The following SLC15A1 variants were observed in gnomAD, a reference collection of about 807,000 sequenced individuals.
SLC15A1 encodes the protein Caco-2 oligopeptide transporter.
Under a neutral mutation model 92.9 loss-of-function variants are expected in SLC15A1, and 83 were observed. That is an observed-to-expected ratio of 0.89 (90% confidence interval 0.75 to 1.07). The LOEUF (loss-of-function observed/expected upper bound fraction) is 1.07, where lower values mean the gene tolerates loss of function less well. Among genes scored for constraint, SLC15A1 ranks in the 50% least tolerant of loss-of-function variants. The pLI is 0.00. For missense variants in SLC15A1, 857 were observed against 880.1 expected (o/e 0.97, Z 0.33); for synonymous variants, 322 against 318.2 (o/e 1.01, Z -0.13).
At chr13:98,689,589 G>A (rs530207727) in intron 18 of SLC15A1, among the ~76,000 whole-genome samples, 1 of 152,184 alleles carries the variant, frequency 6.6e-6, no homozygotes, top group Non-Finnish European at 1.5e-5. Flanking sequence ...GGGACTACAG[G>A]TGTGTGCCAC....
intron 4 of SLC15A1, 127 bp downstream of exon 4, chr13:98,725,996 C>G (rs1358988321): frequency 1.6e-6 from 2 of 1,234,252 alleles, no homozygotes; most frequent in African/African-American, 3.0e-5. Context: ...ATGAACCATA[C>G]CACACCTGGC....
At chr13:98,690,720 C>T (rs950061773) in intron 18 of SLC15A1, among the ~76,000 whole-genome samples, 3 of 152,170 alleles carry the variant, frequency 2.0e-5, no homozygotes, top group Non-Finnish European at 2.9e-5. Flanking sequence ...CACACCTAGA[C>T]GGTGCCACCC....
chr13:98,727,576 G>A (rs2088312469), intron 1 of SLC15A1, among the ~76,000 whole-genome samples: 1 of 152,178 alleles, frequency 6.6e-6, no homozygotes, highest in African/African-American at 2.4e-5. Flanking sequence ...ATACAAGGGA[G>A]CTGGTGCACG....
intron 18 of SLC15A1, among the ~76,000 whole-genome samples, chr13:98,696,087 T>C (rs763742388): frequency 2.0e-5 from 3 of 151,622 alleles, no homozygotes; most frequent in Non-Finnish European, 4.4e-5. Context: ...TCTGTCTTCT[T>C]TTCTAAGATC....
At chr13:98,719,154 C>T in intron 8 of SLC15A1, 83 bp downstream of exon 8, 1 of 918,136 alleles carries the variant, frequency 1.1e-6, no homozygotes, top group Non-Finnish European at 1.7e-6. Context: ...TTGTTACATG[C>T]ACTTTAAAAA....
At position 98,711,934 on chromosome 13, in the gene SLC15A1, T is replaced by G. The variant is rs750111801; in HGVS notation, c.820A>C (p.Ile274Leu). The change falls in exon 11 of 23, where the codon ATC becomes CTC. Residue 274 changes from isoleucine to leucine, a missense_variant. By Grantham distance (5) the Ile-to-Leu change is conservative. Coordinates refer to ENST00000376503, the MANE Select transcript of SLC15A1 (RefSeq NM_005073.4). ...CTCGTAACCATCTTAATTTGGGAGA[T>G]GAGCCGCTCCTGTAGTTGGAGTGGG... ...WAKEKYDERL[I>L]SQIKMVTRVM... 6.2e-7 allele frequency: 1 copy of G among 1,612,058 alleles called. No individual in the cohort carries two copies. Among genetic ancestry groups the G allele is most frequent in the Non-Finnish European group, 8.5e-7 (1 of 1,179,606 alleles).
intron 18 of SLC15A1, among the ~76,000 whole-genome samples, chr13:98,698,025 T>C (rs2088037296): frequency 6.6e-6 from 1 of 152,152 alleles, no homozygotes; most frequent in Admixed American, 6.6e-5. Context: ...GGCTTATGTT[T>C]TTGTTAACAA....
At chr13:98,715,849 C>T in intron 9 of SLC15A1, 29 bp downstream of exon 9, 5 of 1,591,458 alleles carry the variant, frequency 3.1e-6, no homozygotes, top group Non-Finnish European at 4.3e-6. Context: ...GGTTAAATAG[C>T]CTTGAGAAAG....
At chr13:98,694,449 A>C (rs1465143413) in intron 18 of SLC15A1, among the ~76,000 whole-genome samples, 1 of 152,222 alleles carries the variant, frequency 6.6e-6, no homozygotes, top group Non-Finnish European at 1.5e-5. Flanking sequence ...TATGAAGTAC[A>C]TTAATTTGAT....
In SLC15A1 at chr13:98,719,280, T is replaced by C. The variant is rs1337980530; in HGVS notation, c.597A>G (p.Pro199=). The C allele has an allele frequency of 1.2e-6, 2 of 1,613,846 alleles. No individual in the cohort carries two copies. Among genetic ancestry groups the C allele is most frequent in the Non-Finnish European group, 8.5e-7 (1 of 1,179,868 alleles). Residue 199 remains proline (P), a synonymous_variant, in exon 8 of 23, where the codon CCA becomes CCG. Coordinates refer to ENST00000376503, the MANE Select transcript of SLC15A1 (RefSeq NM_005073.4). ...CGIHSKQACY[P]LAFGVPAALM... is the part of the protein sequence containing the mutation. ...GAGCAGCAGGAACCCCAAAGGCCAG[T>C]GGGTAACAAGCTTGTTTACTGTGAA...
chr13:98,719,599 C>T lies in SLC15A1; in HGVS notation c.557-279G>A, dbSNP rs111775997. Among the ~76,000 whole-genome samples the T allele has an allele frequency of 2.4e-4, 37 of 152,180 alleles. 1 individual carries two copies. Among genetic ancestry groups the T allele is most frequent in the African/African-American group, 8.9e-4 (37 of 41,520 alleles). On this transcript the variant is annotated intron_variant, in intron 7 of 22. Coordinates refer to ENST00000376503, the MANE Select transcript of SLC15A1 (RefSeq NM_005073.4). ...CTCTTGGTTCTGTGGATTTTCTTTA[C>T]GGGGGAGATAAAGATGACCTGGATA...
intron 21 of SLC15A1, 74 bp from the exon 22 acceptor site, chr13:98,686,371 G>C: frequency 2.9e-6 from 3 of 1,017,058 alleles, no homozygotes; most frequent in Non-Finnish European, 3.0e-6. Flanking sequence ...TCACCGATGG[G>C]CGTTTCGTGA....
At chr13:98,698,494 A>C (rs2088041109) in intron 18 of SLC15A1, among the ~76,000 whole-genome samples, 1 of 152,200 alleles carries the variant, frequency 6.6e-6, no homozygotes, top group African/African-American at 2.4e-5. Context: ...GCTGGAGTGC[A>C]GTGGCAAAAC....
chr13:98,740,659 C>A (rs1460369720), intron 1 of SLC15A1, among the ~76,000 whole-genome samples: 2 of 152,158 alleles, frequency 1.3e-5, no homozygotes, highest in African/African-American at 4.8e-5. Flanking sequence ...CGTCACAGAG[C>A]CTCCTGTAGC....
chr13:98,710,569 A>G (rs1289391), intron 11 of SLC15A1, among the ~76,000 whole-genome samples: 106,326 of 151,948 alleles, frequency 0.7, 38,180 homozygotes, highest in African/African-American at 0.85. Context: ...TAATTCCAGC[A>G]CTTTGGGAGG....
chr13:98,704,231 T>G, intron 17 of SLC15A1, 58 bp downstream of exon 17: 3 of 1,490,116 alleles, frequency 2.0e-6, no homozygotes, highest in Admixed American at 2.5e-5. Flanking sequence ...ACCATAAAAA[T>G]TTTGGCCTCC....
chr13:98,726,606 T>C (rs887814532), intron 2 of SLC15A1, 157 bp from the exon 3 acceptor site: 2 of 777,192 alleles, frequency 2.6e-6, no homozygotes, highest in South Asian at 1.5e-5. Context: ...TTTTATTCCC[T>C]ACACTAATCC....
At chr13:98,698,341 C>A (rs1483888196) in intron 18 of SLC15A1, among the ~76,000 whole-genome samples, 1 of 152,142 alleles carries the variant, frequency 6.6e-6, no homozygotes, top group Non-Finnish European at 1.5e-5. Context: ...AAACATAAAT[C>A]TAATAAATAT....
At chr13:98,718,695 A>G (rs1318324677) in intron 8 of SLC15A1, among the ~76,000 whole-genome samples, 1 of 152,130 alleles carries the variant, frequency 6.6e-6, no homozygotes, top group Non-Finnish European at 1.5e-5. Context: ...TGTAATCTCA[A>G]CTACTTGGGA....
Sources: gnomAD v4.1 joint callset for allele counts (sites outside exome capture counted in the v4.1 genomes callset) on GRCh38, gnomAD v4.1.1 for gene constraint, MANE v1.5 for transcripts, NCBI Gene and HGNC (gene_info 2026-07-23, HGNC 2026-07-21) for gene names.